The following TDRD12 variants were observed in gnomAD, a reference collection of about 807,000 sequenced individuals.
TDRD12 encodes the protein putative ATP-dependent RNA helicase TDRD12.
Under a neutral mutation model 133.5 loss-of-function variants are expected in TDRD12, and 158 were observed. The observed-to-expected ratio is 1.18, with a 90% CI of 1.04 to 1.35. The LOEUF (loss-of-function observed/expected upper bound fraction) is 1.35, where lower values mean the gene tolerates loss of function less well. TDRD12 is among the 40% of genes most tolerant of loss of function. TDRD12 has a pLI of 0.00. For missense variants in TDRD12, 1,443 were observed against 1,321.3 expected (o/e 1.09, Z -1.43); for synonymous variants, 460 against 477.9 (o/e 0.96, Z 0.49).
chr19:32,780,229 G>T (rs535642808), intron 11 of TDRD12, among the ~76,000 whole-genome samples: 4 of 151,622 alleles, frequency 2.6e-5, no homozygotes, highest in East Asian at 1.9e-4. Context: ...GATTACAGGC[G>T]CATGCCACCA....
intron 9 of TDRD12, 82 bp downstream of exon 9, chr19:32,772,932 A>G: frequency 1.4e-6 from 1 of 713,862 alleles, no homozygotes; most frequent in Non-Finnish European, 2.1e-6. Flanking sequence ...TCTATCTGAA[A>G]CCAAAAATAT....
At chr19:32,736,501 G>A (rs1969228588) in intron 2 of TDRD12, among the ~76,000 whole-genome samples, 1 of 152,184 alleles carries the variant, frequency 6.6e-6, no homozygotes, top group African/African-American at 2.4e-5. Context: ...TTTGAAGGTT[G>A]GCTGGCTGTG....
intron 14 of TDRD12, chr19:32,796,204 ACAG>A (rs1971220717): frequency 1.0e-6 from 1 of 984,780 alleles, no homozygotes; most frequent in Non-Finnish European, 1.2e-6. Flanking sequence ...CCAGTGAAAA[ACAG>A]CAGTAAGAAG....
downstream of TDRD12, chr19:32,826,096 A>G: frequency 6.5e-7 from 1 of 1,535,792 alleles, no homozygotes; most frequent in Non-Finnish European, 8.7e-7. Flanking sequence ...GATTTTGTGC[A>G]GAAACTTTAT....
chr19:32,820,602 G>A (rs901972734), intron 27 of TDRD12, among the ~76,000 whole-genome samples: 1 of 152,168 alleles, frequency 6.6e-6, no homozygotes, highest in Non-Finnish European at 1.5e-5. Context: ...TAGATAGAAA[G>A]GCATAGAAGG....
chr19:32,743,027 T>G, intron 4 of TDRD12, 127 bp downstream of exon 4: 1 of 1,192,102 alleles, frequency 8.4e-7, no homozygotes, highest in East Asian at 2.6e-5. Flanking sequence ...CAGGAGGGGC[T>G]TCTGAGTCAG....
chr19:32,795,742 G>A (rs557468307), intron 14 of TDRD12, among the ~76,000 whole-genome samples: 1 of 152,286 alleles, frequency 6.6e-6, no homozygotes, highest in Admixed American at 6.5e-5. Context: ...AGGCTGGAGC[G>A]GAAGCATGAT....
At chr19:32,773,995 G>T (rs1031787938) in intron 10 of TDRD12, among the ~76,000 whole-genome samples, 1 of 152,198 alleles carries the variant, frequency 6.6e-6, no homozygotes, top group African/African-American at 2.4e-5. Context: ...GAGAGGGATG[G>T]CCTCACGTGG....
chr19:32,756,508 C>T (rs1431608529), intron 7 of TDRD12, among the ~76,000 whole-genome samples: 1 of 152,102 alleles, frequency 6.6e-6, no homozygotes, highest in Non-Finnish European at 1.5e-5. Flanking sequence ...CTGCCTCAGC[C>T]TCCCGAGTAG....
chr19:32,820,958 T>C, intron 27 of TDRD12, 75 bp from the exon 28 acceptor site: 2 of 1,240,476 alleles, frequency 1.6e-6, no homozygotes, highest in South Asian at 2.7e-5. Flanking sequence ...CACGGTCATT[T>C]ATTGCCTGCC....
intron 8 of TDRD12, among the ~76,000 whole-genome samples, chr19:32,768,511 C>A (rs1431332036): frequency 2.6e-5 from 4 of 151,786 alleles, no homozygotes; most frequent in Non-Finnish European, 5.9e-5. Context: ...GGACTAGGCT[C>A]ACACCACCAT....
Position 32,796,901 on chromosome 19 carries a change from G to A in TDRD12, c.1474-834G>A, listed in dbSNP as rs548301760. 4.6e-5 allele frequency among the ~76,000 whole-genome samples: 7 copies of A among 152,202 alleles called. 1 individual carries two copies. The highest frequency in any genetic ancestry group is 1.7e-4 in the African/African-American group (7 of 41,542). On this transcript the variant is annotated intron_variant, in intron 14 of 27. Coordinates refer to ENST00000444215, the Ensembl canonical transcript of TDRD12. ...TTACTGGAGGGTGTGTGTCTGGCAG[G>A]CAGTGCAGCTTCAGGAGTTACCTGT...
chr19:32,727,753 C>T (rs570251803), intron 1 of TDRD12, among the ~76,000 whole-genome samples: 96 of 152,300 alleles, frequency 6.3e-4, no homozygotes, highest in Admixed American at 1.3e-3. Context: ...ACTGCAACCT[C>T]CACCTCCCAG....
chr19:32,761,812 A>C (rs1970158410), intron 8 of TDRD12, among the ~76,000 whole-genome samples: 1 of 151,954 alleles, frequency 6.6e-6, no homozygotes, highest in African/African-American at 2.4e-5. Context: ...GAGCCCCGCG[A>C]GTAGCTGGGA....
exon 9 of TDRD12, chr19:32,772,838 A>G: frequency 6.8e-7 from 1 of 1,471,296 alleles, no homozygotes; most frequent in Non-Finnish European, 9.1e-7. Flanking sequence ...TCTCTTTAAA[A>G]GATACAAATA....
chr19:32,767,128 A>T (rs1970321813), intron 8 of TDRD12, among the ~76,000 whole-genome samples: 1 of 131,446 alleles, frequency 7.6e-6, no homozygotes, highest in Non-Finnish European at 1.7e-5. Flanking sequence ...TTATTTATTT[A>T]TTTATTTATT....
At position 32,749,808 on chromosome 19, in the gene TDRD12, T is replaced by A. The variant is rs1224990115; in HGVS notation, c.521T>A (p.Leu174Ter). Reference sequence around the variant, plus strand: ...GCAACTACCCAGGTGGAAGCCAGATTATGTGCTGTGGAAGAAGATACATTT... The same window carrying A: ...GCAACTACCCAGGTGGAAGCCAGATAATGTGCTGTGGAAGAAGATACATTT... Residue 174 changes from leucine to a stop codon, truncating the protein, a stop_gained, in exon 6 of 28, where the codon TTA becomes TAA. Coordinates refer to ENST00000444215, the Ensembl canonical transcript of TDRD12. LOFTEE classifies it high-confidence loss of function. 2.6e-6 allele frequency: 4 copies of A among 1,550,766 alleles called. No individual in the cohort carries two copies. The highest frequency in any genetic ancestry group is 2.0e-5 in the Admixed American group (1 of 50,938).
At chr19:32,737,016 T>A (rs913540590) in intron 2 of TDRD12, among the ~76,000 whole-genome samples, 2 of 152,140 alleles carry the variant, frequency 1.3e-5, no homozygotes, top group African/African-American at 4.8e-5. Context: ...CACTTAACAT[T>A]AGCTTATGGT....
At chr19:32,739,075 G>A (rs1969313028) in intron 3 of TDRD12, 83 bp downstream of exon 3, 12 of 1,481,366 alleles carry the variant, frequency 8.1e-6, no homozygotes, top group Non-Finnish European at 1.0e-5. Flanking sequence ...TAAAGTACGG[G>A]GCTAGAGGTC....
Sources: allele counts gnomAD v4.1 joint callset (sites outside exome capture counted in the v4.1 genomes callset), GRCh38; gene constraint gnomAD v4.1.1; transcripts MANE v1.5; gene names NCBI Gene and HGNC (gene_info 2026-07-23, HGNC 2026-07-21).